Variants in PCDHA4 observed in about 807,000 individuals in gnomAD.
PCDHA4 encodes protocadherin alpha-4.
A neutral mutation model predicts 61.4 loss-of-function variants in PCDHA4; 49 were observed. The ratio of observed to expected loss-of-function variants is 0.80; its 90% CI spans 0.63 to 1.01. The LOEUF is 1.01. PCDHA4 is among the 50% of genes least tolerant of loss of function. The pLI, the probability that PCDHA4 is intolerant of heterozygous loss-of-function variation, is 0.00. For missense variants in PCDHA4, 1,254 were observed against 1,235.8 expected (o/e 1.01, Z -0.22); for synonymous variants, 590 against 550.3 (o/e 1.07, Z -1.01).
At chr5:140,892,950 C>G (rs553307667) in intron 1 of PCDHA4, among the ~76,000 whole-genome samples, 21 of 152,188 alleles carry the variant, frequency 1.4e-4, no homozygotes, top group Non-Finnish European at 2.9e-4. Context: ...AATACTACTT[C>G]CATGAGCTCA....
In PCDHA4 at chr5:140,870,260, G is replaced by T. The variant is rs782261095; in HGVS notation, c.2385+60688G>T. The T allele has an allele frequency of 2.0e-5, 32 of 1,614,082 alleles. No individual in the cohort carries two copies. The highest frequency in any genetic ancestry group is 3.3e-4 in the Middle Eastern group (2 of 6,082). On this transcript the variant is annotated intron_variant, in intron 1 of 3. Coordinates refer to ENST00000530339, the MANE Select transcript of PCDHA4 (RefSeq NM_018907.4). ...TCAGGTGTCAACGGACAGGTGACCT[G>T]CTCGCTGACGCCCCACGTTCCCTTC...
chr5:140,928,570 C>T (rs2085340367), intron 1 of PCDHA4: 1 of 1,614,196 alleles, frequency 6.2e-7, no homozygotes, highest in African/African-American at 1.3e-5. Context: ...GTTTCCCTTG[C>T]CCAGAAATGG....
chr5:140,848,963 C>G (rs376979276), intron 1 of PCDHA4: 3 of 1,606,264 alleles, frequency 1.9e-6, no homozygotes, highest in Non-Finnish European at 1.7e-6. Flanking sequence ...CACTAGAGGG[C>G]GCGTCCGATG....
intron 1 of PCDHA4, chr5:140,821,694 T>C: frequency 7.1e-7 from 1 of 1,400,444 alleles, no homozygotes; most frequent in Non-Finnish European, 9.7e-7. Flanking sequence ...ATATAAAAAA[T>C]ATATAGTTAA....
At chr5:140,928,240 C>G (rs1174659124) in intron 1 of PCDHA4, 1 of 1,614,108 alleles carries the variant, frequency 6.2e-7, no homozygotes, top group Non-Finnish European at 8.5e-7. Flanking sequence ...TCAACCCCAG[C>G]AGGAACTTTT....
intron 1 of PCDHA4, among the ~76,000 whole-genome samples, chr5:140,952,680 G>A (rs1013469820): frequency 6.6e-6 from 1 of 152,128 alleles, no homozygotes; most frequent in Middle Eastern, 3.2e-3. Flanking sequence ...CACATTTTCA[G>A]GATCTTTATA....
intron 1 of PCDHA4, chr5:140,875,985 G>A (rs1351463699): frequency 4.3e-6 from 7 of 1,613,830 alleles, no homozygotes; most frequent in South Asian, 1.1e-5. Flanking sequence ...TGACCTATGC[G>A]TTAAGTCTAA....
chr5:140,929,225 C>T (rs1249117880), intron 1 of PCDHA4: 2 of 1,613,724 alleles, frequency 1.2e-6, no homozygotes, highest in Non-Finnish European at 1.7e-6. Flanking sequence ...TACAATGCTG[C>T]CGACCTGCGA....
intron 1 of PCDHA4, among the ~76,000 whole-genome samples, chr5:140,846,323 T>G (rs2150386920): frequency 0.12 from 17,165 of 148,320 alleles, 3,122 homozygotes; most frequent in African/African-American, 0.34. Flanking sequence ...TAGAGTGTTG[T>G]AAATAGCCTT....
intron 1 of PCDHA4, among the ~76,000 whole-genome samples, chr5:140,947,593 T>C (rs2094149533): frequency 1.3e-5 from 2 of 151,712 alleles, no homozygotes; most frequent in African/African-American, 2.4e-5. Context: ...TAGATCAATT[T>C]AGGGAAGATT....
intron 1 of PCDHA4, among the ~76,000 whole-genome samples, chr5:140,918,360 G>A (rs1243919537): frequency 1.3e-5 from 2 of 152,082 alleles, no homozygotes; most frequent in African/African-American, 4.8e-5. Flanking sequence ...CTTCCTCTCT[G>A]CCTATTTGGA....
intron 3 of PCDHA4, among the ~76,000 whole-genome samples, chr5:140,992,500 A>C (rs1205902091): frequency 6.6e-6 from 1 of 152,222 alleles, no homozygotes; most frequent in Non-Finnish European, 1.5e-5. Context: ...GTAAGGATTC[A>C]ATCCTGGGGC....
At position 140,959,344 on chromosome 5, in the gene PCDHA4, C is replaced by T. The variant is rs541663379; in HGVS notation, c.2386-19605C>T. Among the ~76,000 whole-genome samples the T allele has an allele frequency of 2.0e-4, 30 of 152,112 alleles. No individual in the cohort carries two copies. The South Asian group carries it at 6.0e-3, about 31-fold the overall frequency. On this transcript the variant is annotated intron_variant, in intron 1 of 3. Coordinates refer to ENST00000530339, the MANE Select transcript of PCDHA4 (RefSeq NM_018907.4). Reference sequence around the variant, plus strand: ...AAGTTTTGATTATGCTACTGCACTCCAGCGGGACAACTGAGTGAGACCCTG... The same window carrying T: ...AAGTTTTGATTATGCTACTGCACTCTAGCGGGACAACTGAGTGAGACCCTG...
At chr5:140,962,438 G>A (rs1375451859) in intron 1 of PCDHA4, among the ~76,000 whole-genome samples, 3 of 152,108 alleles carry the variant, frequency 2.0e-5, no homozygotes, top group Non-Finnish European at 2.9e-5. Context: ...CTTATCCAAA[G>A]ATGGCTTGAA....
intron 1 of PCDHA4, among the ~76,000 whole-genome samples, chr5:140,886,267 A>C (rs1472520900): frequency 6.6e-6 from 1 of 151,960 alleles, no homozygotes; most frequent in African/African-American, 2.4e-5. Context: ...TTTATAGATA[A>C]AATTTTTTAA....
rs1284021507 is a variant in PCDHA4 at position 140,883,838 on chromosome 5, G to A, written c.2385+74266G>A. The A allele has an allele frequency of 1.9e-6, 3 of 1,612,620 alleles. No individual in the cohort carries two copies. In the Admixed American group the frequency reaches 5.0e-5, roughly 27 times the overall value. ...CAAGGTGTACGCGCTGCAGCCGTTG[G>A]ACCACGAGGAGCTGGAGCTGTTGCA... On this transcript the variant is annotated intron_variant, in intron 1 of 3. Coordinates refer to ENST00000530339, the MANE Select transcript of PCDHA4 (RefSeq NM_018907.4).
intron 1 of PCDHA4, chr5:140,966,941 G>C (rs1554228938): frequency 1.9e-6 from 3 of 1,604,498 alleles, no homozygotes; most frequent in Non-Finnish European, 2.5e-6. Context: ...CGCGCTCGTG[G>C]GCAACGTGGC....
In PCDHA4 at chr5:140,808,475, G is replaced by T; in HGVS notation, c.1288G>T (p.Gly430Trp). ...AYELVVTARDGGSPSLWATAS... is the reference protein window; with the variant it reads ...AYELVVTARDWGSPSLWATAS... ...TGAGCTGGTGGTGACCGCGCGAGACGGGGGCTCGCCTTCGCTGTGGGCCAC... is the reference window on the plus strand; with the variant it reads ...TGAGCTGGTGGTGACCGCGCGAGACTGGGGCTCGCCTTCGCTGTGGGCCAC... The change falls in exon 1 of 4, where the codon GGG (glycine) becomes TGG (tryptophan). Residue 430 changes from glycine to tryptophan, a missense_variant. By Grantham distance (184) the Gly-to-Trp change is radical (BLOSUM62 -2). Transcript: ENST00000530339. The T allele has an allele frequency of 6.2e-7, 1 of 1,614,172 alleles. No individual in the cohort carries two copies. Among genetic ancestry groups the T allele is most frequent in the East Asian group, 2.2e-5 (1 of 44,874 alleles).
chr5:140,850,513 G>T lies in PCDHA4; in HGVS notation c.2385+40941G>T, dbSNP rs2150487190. The stretch of plus-strand genomic sequence containing the variant: ...GTGCTGGTGTCGCTGGTGGAGAGCG[G>T]CCAGGCGCCAAAGTCATCGTCGCGG... On this transcript the variant is annotated intron_variant, in intron 1 of 3. Transcript: ENST00000530339. The T allele has an allele frequency of 3.1e-6, 5 of 1,598,108 alleles. No homozygotes were observed. In the East Asian group the frequency reaches 1.1e-4, roughly 36 times the overall value.
Sources: gnomAD v4.1 joint callset for allele counts (sites outside exome capture counted in the v4.1 genomes callset) on GRCh38, gnomAD v4.1.1 for gene constraint, MANE v1.5 for transcripts, NCBI Gene and HGNC (gene_info 2026-07-23, HGNC 2026-07-21) for gene names.